The following SMARCA4 variants were observed in gnomAD, a reference collection of about 807,000 sequenced individuals.
The protein encoded by SMARCA4 is SWI/SNF related BAF chromatin remodeling complex subunit ATPase 4.
SMARCA4 carries 31 observed loss-of-function variants against 193.9 expected under a neutral mutation model. The ratio of observed to expected loss-of-function variants is 0.16; its 90% CI spans 0.12 to 0.22. The LOEUF (loss-of-function observed/expected upper bound fraction) is 0.22, where lower values mean the gene tolerates loss of function less well. Ranked by LOEUF, SMARCA4 falls within the 10% of genes least tolerant of loss-of-function variation. SMARCA4 has a pLI of 1.00. For missense variants in SMARCA4, 1,148 were observed against 2,296.0 expected, an observed-to-expected ratio of 0.50 and a Z score of 10.22; for synonymous variants, 942 against 933.1, an observed-to-expected ratio of 1.01 and a Z score of -0.17.
rs139919131 is a variant in SMARCA4 at position 11,045,875 on chromosome 19, G to A, written c.4424+4315G>A. Among the ~76,000 whole-genome samples the A allele has an allele frequency of 3.8e-3, 580 of 151,448 alleles. 4 individuals are homozygous for A. The highest frequency in any genetic ancestry group is 0.013 in the African/African-American group (531 of 41,304). On this transcript the variant is annotated intron_variant, in intron 30 of 34. Coordinates refer to ENST00000344626, the MANE Select transcript of SMARCA4 (RefSeq NM_003072.5). The stretch of plus-strand genomic sequence containing the variant: ...GAGGCGGAGGATCACTTGAGCCCAG[G>A]AGTTCAGATGAGCCTGGCCAACATA...
chr19:11,021,639 G>A lies in SMARCA4; in HGVS notation c.2617-86G>A, dbSNP rs75904516. ...CGCTCTTCCACCTGGAGCCTTCCTG[G>A]CTGCTGGGCGCAGAGTGGGAGATTC... On this transcript the variant is annotated intron_variant, in intron 18 of 34. Coordinates refer to ENST00000344626, the MANE Select transcript of SMARCA4 (RefSeq NM_003072.5). 0.016 allele frequency: 23,839 copies of A among 1,510,384 alleles called. 1,650 individuals carry two copies. The African/African-American group carries it at 0.17, about 11-fold the overall frequency. The allele number at this position is 1,510,384 out of a possible 1,614,324, so 93.6% of individuals were successfully genotyped here. A position where few individuals can be genotyped will look rare whatever the true frequency, so the allele number is the denominator to read the frequency against.
At chr19:11,003,186 C>CA (rs776768668) in intron 12 of SMARCA4, 27 bp downstream of exon 12, 135 of 1,613,712 alleles carry the variant, frequency 8.4e-5, no homozygotes, top group Non-Finnish European at 1.1e-4. Context: ...ATTCCAGATG[C>CA]AGTGGGGATC....
rs922995037 is a variant in SMARCA4, at chr19:11,058,567, C to T, written c.4533+204C>T. Among the ~76,000 whole-genome samples, 1 of 152,114 alleles carries T rather than the reference C, an allele frequency of 6.6e-6. No homozygotes were observed. The highest frequency in any genetic ancestry group is 1.5e-5 in the Non-Finnish European group (1 of 68,012). On this transcript the variant is annotated intron_variant, in intron 31 of 34. Transcript: ENST00000344626. This position sits in a 1 kb window ranked among gnomAD's most constrained non-coding sequence, Gnocchi z 5.8. ...GGGTGTCCTGAGGGATGTCAGTGGG[C>T]AGTCGGTGTTGGGTGTTCCTTCAAG...
intron 1 of SMARCA4, among the ~76,000 whole-genome samples, chr19:10,963,265 C>G (rs2083946540): frequency 6.7e-6 from 1 of 149,292 alleles, no homozygotes; most frequent in South Asian, 2.1e-4. Context: ...CCCAACTACT[C>G]AGGAGGCTGA....
intron 12 of SMARCA4, 55 bp downstream of exon 12, chr19:11,003,214 T>A (rs2087826712): frequency 1.2e-6 from 2 of 1,612,582 alleles, no homozygotes; most frequent in Non-Finnish European, 1.7e-6. Flanking sequence ...TCGGTGGGCC[T>A]TGTTCCAGGG....
At chr19:10,968,192 T>C (rs2084389129) in intron 1 of SMARCA4, among the ~76,000 whole-genome samples, 1 of 152,182 alleles carries the variant, frequency 6.6e-6, no homozygotes, top group Non-Finnish European at 1.5e-5. Flanking sequence ...TTCTCCGTGT[T>C]GGTCAGGCTG....
intron 23 of SMARCA4, among the ~76,000 whole-genome samples, chr19:11,027,114 C>T (rs1177346449): frequency 6.6e-6 from 1 of 152,202 alleles, no homozygotes; most frequent in Non-Finnish European, 1.5e-5. Flanking sequence ...CCAGCTAAAG[C>T]CTCCATTCAA....
rs977556383 is a variant in SMARCA4 at position 10,986,056 on chromosome 19, C to T, written c.356-133C>T. 4.8e-5 allele frequency: 38 copies of T among 796,880 alleles called. No homozygotes were observed. The highest frequency in any genetic ancestry group is 7.9e-5 in the Non-Finnish European group (37 of 469,826). The allele number at this position is 796,880 out of a possible 1,614,324, so 49.4% of individuals were successfully genotyped here. ...CTTCAGCATGTGCCCTCCAGGTGCCCCTGGTTGACTCAAGAGAAGGATGCC... is the reference window on the plus strand; with the variant it reads ...CTTCAGCATGTGCCCTCCAGGTGCCTCTGGTTGACTCAAGAGAAGGATGCC... On this transcript the variant is annotated intron_variant, in intron 3 of 34. Coordinates refer to ENST00000344626, the MANE Select transcript of SMARCA4 (RefSeq NM_003072.5). This position sits in a 1 kb window ranked among gnomAD's most constrained non-coding sequence, Gnocchi z 6.7.
At chr19:11,050,792 C>T (rs974557424) in intron 30 of SMARCA4, among the ~76,000 whole-genome samples, 2 of 152,260 alleles carry the variant, frequency 1.3e-5, no homozygotes, top group African/African-American at 4.8e-5. Context: ...CAGGGCAGGG[C>T]CCCTGAGGGA....
chr19:11,034,952 C>T lies in SMARCA4; in HGVS notation c.3990C>T (p.Asn1330=), dbSNP rs2146697311. 1 of 1,592,868 alleles carries T rather than the reference C, an allele frequency of 6.3e-7. No homozygotes were observed. Among genetic ancestry groups the T allele is most frequent in the Non-Finnish European group, 8.5e-7 (1 of 1,171,102 alleles). Residue 1330 remains asparagine (N), a synonymous_variant, in exon 29 of 35, where the codon AAC becomes AAT. Coordinates refer to ENST00000344626, the MANE Select transcript of SMARCA4 (RefSeq NM_003072.5). This position sits in a 1 kb window ranked among gnomAD's most constrained non-coding sequence, Gnocchi z 7.0. ...ACCGCAGGCGCGAGGAGGCCCGCAA[C>T]CCCAAGCGGAAGCCGCGCCTCATGG... is the stretch of plus-strand genomic sequence containing the variant. ...DLDRRREEAR[N]PKRKPRLMEE...
At chr19:11,012,928 T>G (rs931896064) in intron 15 of SMARCA4, 21 bp from the exon 16 acceptor site, 1 of 1,613,988 alleles carries the variant, frequency 6.2e-7, no homozygotes, top group African/African-American at 1.3e-5. Flanking sequence ...AGTCCTGGCG[T>G]GGCCGCATCT....
rs982106971 is a variant in SMARCA4 at position 11,060,203 on chromosome 19, C to T, written c.4911+16C>T. 13 of 1,550,498 alleles carry T rather than the reference C, an allele frequency of 8.4e-6. No homozygotes were observed. Among genetic ancestry groups the T allele is most frequent in the East Asian group, 2.4e-5 (1 of 40,926 alleles). On this transcript the variant is annotated intron_variant, in intron 34 of 34. Transcript: ENST00000344626. ...ACAAGAGGAGGTGAGGCCGGGCCCC[C>T]GAGCAGGCAGAGCTGGCATGTGGCA...
chr19:10,961,164 G>C lies in SMARCA4; in HGVS notation c.-42G>C, dbSNP rs1191423683. The stretch of plus-strand genomic sequence containing the variant: ...GAGGCGCCGGGAAGTCGACGGCGCC[G>C]GCGGCTCCTGGTAAGGAACGCGGGC... On this transcript the variant is annotated 5_prime_UTR_variant, in exon 1 of 35. Coordinates refer to ENST00000344626, the MANE Select transcript of SMARCA4 (RefSeq NM_003072.5). The C allele has an allele frequency of 4.0e-5, 6 of 148,750 alleles. No individual in the cohort carries two copies. Among genetic ancestry groups the C allele is most frequent in the Non-Finnish European group, 9.0e-5 (6 of 66,630 alleles). The allele number at this position is 148,750 out of a possible 1,614,324, so 9.2% of individuals were successfully genotyped here. A position where few individuals can be genotyped will look rare whatever the true frequency, so the allele number is the denominator to read the frequency against.
At position 11,019,437 on chromosome 19, in the gene SMARCA4, C is replaced by A; in HGVS notation, c.2506-154C>A. 1.5e-6 allele frequency: 1 copy of A among 654,402 alleles called. No individual in the cohort carries two copies. 40.5% of individuals were successfully genotyped at this position (654,402 alleles called of 1,614,324 possible). A position where few individuals can be genotyped will look rare whatever the true frequency, so the allele number is the denominator to read the frequency against. On this transcript the variant is annotated intron_variant, in intron 17 of 34. Coordinates refer to ENST00000344626, the MANE Select transcript of SMARCA4 (RefSeq NM_003072.5). This position sits in a 1 kb window ranked among gnomAD's most constrained non-coding sequence, Gnocchi z 6.1. ...TTCTGCGTGGTGAGGTCTGGGGACG[C>A]GCCAGCGGCCCTGCCAGCCCCTTTC...
At chr19:10,997,022 AGTT>A (rs987256045) in intron 11 of SMARCA4, among the ~76,000 whole-genome samples, 84 of 151,010 alleles carry the variant, frequency 5.6e-4, no homozygotes, top group African/African-American at 2.0e-3. Flanking sequence ...CACCCAGCTA[AGTT>A]GTTTTTTTTT....
At position 11,023,576 on chromosome 19, in the gene SMARCA4, G is replaced by A. The variant is rs2090027331; in HGVS notation, c.2918G>A (p.Arg973Gln). 6.2e-7 allele frequency: 1 copy of A among 1,613,512 alleles called. No individual in the cohort carries two copies. Residue 973 changes from arginine to glutamine, a missense_variant, in exon 20 of 35, where the codon CGG becomes CAG. Transcript: ENST00000344626. ...ATCCGGCGTCTCCACAAAGTGCTGCGGCCCTTCTTGCTCCGACGACTCAAG... is the reference window on the plus strand; with the variant it reads ...ATCCGGCGTCTCCACAAAGTGCTGCAGCCCTTCTTGCTCCGACGACTCAAG... The part of the protein sequence containing the change: ...LIIRRLHKVL[R>Q]PFLLRRLKKE...
chr19:10,983,349 T>C (rs2085720239), intron 1 of SMARCA4: 1 of 152,220 alleles, frequency 6.6e-6, no homozygotes, highest in South Asian at 2.1e-4. Flanking sequence ...GGAAACTTGG[T>C]CTTACTACTT....
intron 12 of SMARCA4, 40 bp downstream of exon 12, chr19:11,003,199 A>G (rs1314407598): frequency 6.2e-7 from 1 of 1,613,486 alleles, no homozygotes; most frequent in Non-Finnish European, 8.5e-7. Context: ...TGGGGATCCA[A>G]GTCCTCGGTG....
At chr19:11,007,856 C>G (rs765342749) in intron 13 of SMARCA4, 46 bp from the exon 14 acceptor site, 3 of 1,609,028 alleles carry the variant, frequency 1.9e-6, no homozygotes, top group Non-Finnish European at 2.5e-6. Context: ...CCCGTCCCCC[C>G]TCTCTGGGGG....
Sources: allele counts gnomAD v4.1 joint callset (sites outside exome capture counted in the v4.1 genomes callset), GRCh38; gene constraint gnomAD v4.1.1; non-coding constraint Gnocchi (gnomAD v3.1); transcripts MANE v1.5; gene names NCBI Gene and HGNC (gene_info 2026-07-23, HGNC 2026-07-21).